Variants in PAK1 observed in about 807,000 individuals in gnomAD.
PAK1 encodes serine/threonine-protein kinase PAK 1.
A neutral mutation model predicts 67.4 loss-of-function variants in PAK1; 29 were observed. The ratio of observed to expected loss-of-function variants is 0.43; its 90% CI spans 0.32 to 0.59. The LOEUF is 0.59. Ranked by LOEUF, PAK1 falls within the 20% of genes least tolerant of loss-of-function variation. The pLI, the probability that PAK1 is intolerant of heterozygous loss-of-function variation, is 0.07. For synonymous variants in PAK1, 223 were observed against 237.4 expected (o/e 0.94, Z 0.56); for missense variants, 337 against 670.7 (o/e 0.50, Z 5.50).
At chr11:77,433,215 T>C (rs1483069058) in intron 1 of PAK1, among the ~76,000 whole-genome samples, 1 of 152,214 alleles carries the variant, frequency 6.6e-6, no homozygotes, top group African/African-American at 2.4e-5. Flanking sequence ...ATCACAGCTT[T>C]AACTGTAAGA....
chr11:77,446,420 G>A (rs973471394), intron 1 of PAK1, among the ~76,000 whole-genome samples: 1 of 148,018 alleles, frequency 6.8e-6, no homozygotes, highest in African/African-American at 2.5e-5. Flanking sequence ...GCTGAGCCAT[G>A]AGAAACACTT....
chr11:77,470,130 C>T (rs1408036957), intron 1 of PAK1, among the ~76,000 whole-genome samples: 2 of 152,100 alleles, frequency 1.3e-5, no homozygotes, highest in Admixed American at 6.5e-5. Context: ...GGAGAGGGAT[C>T]AGAAAATTCA....
chr11:77,439,417 A>G (rs562270113), intron 1 of PAK1, among the ~76,000 whole-genome samples: 15 of 152,360 alleles, frequency 9.8e-5, no homozygotes, highest in Middle Eastern at 3.4e-3. Flanking sequence ...GCCTGCTTCT[A>G]GAAGTACAGG....
the PAK1 span, among the ~76,000 whole-genome samples, chr11:77,507,472 T>C: frequency 8.5e-5 from 13 of 152,186 alleles, no homozygotes; most frequent in Admixed American, 2.6e-4. Context: ...CTTTCCAGTT[T>C]ATAAAACATG....
chr11:77,389,447 CCA>C (rs1247623472), intron 2 of PAK1, among the ~76,000 whole-genome samples: 1 of 152,200 alleles, frequency 6.6e-6, no homozygotes, highest in Non-Finnish European at 1.5e-5. Context: ...AGACTGTTTT[CCA>C]CAGAGGCTGC....
intron 5 of PAK1, among the ~76,000 whole-genome samples, chr11:77,366,047 G>A (rs2136770207): frequency 6.6e-6 from 1 of 152,206 alleles, no homozygotes; most frequent in East Asian, 1.9e-4. Context: ...AAAGGCAGTG[G>A]GATGACATAT....
intron 1 of PAK1, among the ~76,000 whole-genome samples, chr11:77,415,811 T>G (rs1036035301): frequency 1.3e-5 from 2 of 152,090 alleles, no homozygotes; most frequent in African/African-American, 4.8e-5. Context: ...TCTTCAACAA[T>G]AAATTAACCT....
chr11:77,393,264 A>G (rs1404002805), intron 1 of PAK1, among the ~76,000 whole-genome samples: 1 of 137,618 alleles, frequency 7.3e-6, no homozygotes, highest in African/African-American at 2.6e-5. Flanking sequence ...CTGAAATTCT[A>G]CCTTGTTCTT....
chr11:77,462,962 C>CA (rs1957424408), intron 1 of PAK1, among the ~76,000 whole-genome samples: 1 of 72,586 alleles, frequency 1.4e-5, no homozygotes, highest in South Asian at 3.8e-4. Flanking sequence ...GGGGATACAA[C>CA]AGTGAGAAAA....
intron 1 of PAK1, among the ~76,000 whole-genome samples, chr11:77,446,511 C>CAAG (rs749948909): frequency 1.1e-3 from 65 of 60,656 alleles, no homozygotes; most frequent in Non-Finnish European, 2.1e-3. Flanking sequence ...GACCCTGTCT[C>CAAG]AAAAAAAAAA....
At chr11:77,354,092 G>C (rs1395774506) in intron 7 of PAK1, among the ~76,000 whole-genome samples, 1 of 152,118 alleles carries the variant, frequency 6.6e-6, no homozygotes, top group Non-Finnish European at 1.5e-5. Context: ...GGTGATATAT[G>C]GACTGATTTC....
chr11:77,415,711 G>C (rs1419360141), intron 1 of PAK1, among the ~76,000 whole-genome samples: 3 of 152,068 alleles, frequency 2.0e-5, no homozygotes, highest in Middle Eastern at 6.4e-3. Context: ...TGAGAGGTAA[G>C]TGAATGGAAA....
Position 77,337,250 on chromosome 11 carries a change from A to G in PAK1, c.1216+74T>C, listed in dbSNP as rs144971958. 9 of 697,928 alleles carry G rather than the reference A, an allele frequency of 1.3e-5. No homozygotes were observed. The African/African-American group carries it at 1.4e-4, about 11-fold the overall frequency. 43.2% of individuals were successfully genotyped at this position (697,928 alleles called of 1,614,324 possible). A position where few individuals can be genotyped will look rare whatever the true frequency, so the allele number is the denominator to read the frequency against. On this transcript the variant is annotated intron_variant, in intron 12 of 14. Coordinates refer to ENST00000356341, the MANE Select transcript of PAK1 (RefSeq NM_002576.5). Reference sequence around the variant, plus strand: ...TTTGGTGAGTGTCGTAGTTACTATTATATGATGACCATCTCACAGGAGACA... The same window carrying G: ...TTTGGTGAGTGTCGTAGTTACTATTGTATGATGACCATCTCACAGGAGACA...
intron 1 of PAK1, among the ~76,000 whole-genome samples, chr11:77,453,319 A>G (rs1018451677): frequency 6.6e-6 from 1 of 152,032 alleles, no homozygotes; most frequent in Non-Finnish European, 1.5e-5. Context: ...GCGCCATTGC[A>G]CTCCAGCCTG....
chr11:77,479,084 C>CAAAAA (rs757138155), upstream of PAK1, among the ~76,000 whole-genome samples: 4 of 88,732 alleles, frequency 4.5e-5, no homozygotes, highest in Admixed American at 1.2e-4. Flanking sequence ...GACTCCGTCT[C>CAAAAA]AAAAAAAAAA....
chr11:77,443,261 G>A (rs1956440596), intron 1 of PAK1, among the ~76,000 whole-genome samples: 1 of 149,514 alleles, frequency 6.7e-6, no homozygotes, highest in African/African-American at 2.5e-5. Flanking sequence ...GTTGCAGTGA[G>A]CCGTGATCAC....
At chr11:77,384,611 C>A (rs1353784149) in intron 2 of PAK1, among the ~76,000 whole-genome samples, 1 of 152,146 alleles carries the variant, frequency 6.6e-6, no homozygotes, top group Non-Finnish European at 1.5e-5. Context: ...CATGGATGAA[C>A]CTTGAAAACA....
chr11:77,480,293 T>TA, the PAK1 span, among the ~76,000 whole-genome samples: 52 of 151,284 alleles, frequency 3.4e-4, no homozygotes, highest in East Asian at 4.7e-3. Flanking sequence ...TCTTTTTTTT[T>TA]TAAAAAAAGT....
intron 2 of PAK1, among the ~76,000 whole-genome samples, chr11:77,386,597 C>T (rs1411125958): frequency 6.6e-6 from 1 of 152,092 alleles, no homozygotes; most frequent in Non-Finnish European, 1.5e-5. Flanking sequence ...GAGAGGTCAG[C>T]ATTAGGTAAT....
Sources: gnomAD v4.1 joint callset for allele counts (sites outside exome capture counted in the v4.1 genomes callset) on GRCh38, gnomAD v4.1.1 for gene constraint, MANE v1.5 for transcripts, NCBI Gene and HGNC (gene_info 2026-07-23, HGNC 2026-07-21) for gene names.